ATL3: variants seen among roughly 807,000 people sequenced by gnomAD.
ATL3 encodes the protein atlastin GTPase 3.
Under a neutral mutation model 69.5 loss-of-function variants are expected in ATL3, and 49 were observed. That is an observed-to-expected ratio of 0.71 (90% confidence interval 0.56 to 0.89). The LOEUF is 0.89. Ranked by LOEUF, ATL3 falls within the 40% of genes least tolerant of loss-of-function variation. The pLI is 0.00. For missense variants in ATL3, 606 were observed against 645.7 expected, an observed-to-expected ratio of 0.94 and a Z score of 0.67; for synonymous variants, 214 against 224.1, an observed-to-expected ratio of 0.95 and a Z score of 0.40.
chr11:63,671,818 T>C, upstream of ATL3: 3 of 1,021,522 alleles, frequency 2.9e-6, no homozygotes, highest in South Asian at 3.6e-5. Context: ...CGGGTCCTCC[T>C]GCGAGCTGCG....
intron 10 of ATL3, among the ~76,000 whole-genome samples, chr11:63,633,484 C>A (rs1032526964): frequency 2.0e-5 from 3 of 151,920 alleles, no homozygotes; most frequent in African/African-American, 7.3e-5. Context: ...CAGCACACTA[C>A]AACCTTCGCC....
chr11:63,650,646 G>T (rs1002231192), intron 5 of ATL3: 1 of 152,142 alleles, frequency 6.6e-6, no homozygotes, highest in Non-Finnish European at 1.5e-5. Context: ...CTTATGGGTT[G>T]AATTGTGTCC....
chr11:63,631,063 CAA>C lies in ATL3; in HGVS notation c.1514_1515del (p.Phe505TrpfsTer15). 1 of 1,612,810 alleles carries C rather than the reference CAA, an allele frequency of 6.2e-7. No individual in the cohort carries two copies. The highest frequency in any genetic ancestry group is 8.5e-7 in the Non-Finnish European group (1 of 1,179,330). ...ACCTGCTCCAACACATATGCGGCAC[CAA>C]AATCAATAGCTCCGCCCAGCTCACG... is the stretch of plus-strand genomic sequence containing the variant. ...QYRELGGAID[F>X]GAAYVLEQAS... On this transcript the variant is annotated frameshift_variant, in exon 12 of 13. Transcript: ENST00000398868. LOFTEE classifies it high-confidence loss of function.
intron 1 of ATL3, among the ~76,000 whole-genome samples, chr11:63,661,656 G>A (rs999199297): frequency 1.3e-5 from 2 of 151,804 alleles, no homozygotes; most frequent in Admixed American, 6.6e-5. Context: ...TTGGGAGGCC[G>A]AGGCGGGCAG....
intron 7 of ATL3, 131 bp from the exon 8 acceptor site, chr11:63,643,626 C>T: frequency 2.6e-6 from 2 of 770,850 alleles, no homozygotes; most frequent in Non-Finnish European, 4.0e-6. Context: ...TGAGAAAACT[C>T]AGAACCCTAA....
intron 12 of ATL3, among the ~76,000 whole-genome samples, chr11:63,629,795 G>A (rs117062831): frequency 0.013 from 1,931 of 152,194 alleles, 25 homozygotes; most frequent in Non-Finnish European, 0.014. Flanking sequence ...AGGCTGAGGT[G>A]GGAGGATCAC....
intron 10 of ATL3, among the ~76,000 whole-genome samples, chr11:63,634,183 T>G (rs1290884003): frequency 8.1e-6 from 1 of 122,766 alleles, no homozygotes; most frequent in Non-Finnish European, 1.8e-5. Context: ...CCTGTTTCTA[T>G]TTAAAAAAAA....
rs1317326317 is a variant in ATL3 at position 63,631,118 on chromosome 11, C to G, written c.1461G>C (p.Trp487Cys). ...VGLLLIALLT[W>C]GYIRYSGQYR... ...ATTGACCAGAATACCTGATGTAGCC[C>G]CAGGTGAGGAGTGCTATTAACAGTA... Residue 487 changes from tryptophan (W) to cysteine (C), a missense_variant, in exon 12 of 13, where the codon TGG (tryptophan) becomes TGC (cysteine). Coordinates refer to ENST00000398868, the MANE Select transcript of ATL3 (RefSeq NM_015459.5). 1 of 1,614,152 alleles carries G rather than the reference C, an allele frequency of 6.2e-7. No homozygotes were observed.
At position 63,628,985 on chromosome 11, in the gene ATL3, G is replaced by C; in HGVS notation, c.*334C>G. ...AAAACCATGGAATCAATCTTAAAAG[G>C]CACTAAGTGGCACATAAAGAACTTA... On this transcript the variant is annotated 3_prime_UTR_variant, in exon 13 of 13. Transcript: ENST00000398868. 3.8e-6 allele frequency: 1 copy of C among 263,018 alleles called. No homozygotes were observed. The highest frequency in any genetic ancestry group is 8.3e-5 in the South Asian group (1 of 12,082). 16.3% of individuals were successfully genotyped at this position (263,018 alleles called of 1,614,324 possible).
chr11:63,656,661 G>A (rs1194264719), intron 3 of ATL3, among the ~76,000 whole-genome samples: 1 of 151,026 alleles, frequency 6.6e-6, no homozygotes, highest in Admixed American at 6.6e-5. Context: ...TTGAACCCGG[G>A]AGGCAGAGGT....
intron 8 of ATL3, among the ~76,000 whole-genome samples, chr11:63,638,967 T>G (rs1286962314): frequency 6.6e-6 from 1 of 152,236 alleles, no homozygotes; most frequent in Non-Finnish European, 1.5e-5. Flanking sequence ...AATTACACTT[T>G]AAGTTCCTTT....
At chr11:63,631,753 G>A (rs530437823) in intron 11 of ATL3, among the ~76,000 whole-genome samples, 2 of 152,132 alleles carry the variant, frequency 1.3e-5, no homozygotes, top group Admixed American at 6.5e-5. Context: ...AGGCCAGGGC[G>A]GGCAGATCAC....
intron 6 of ATL3, among the ~76,000 whole-genome samples, chr11:63,645,149 A>C (rs1939828375): frequency 6.6e-6 from 1 of 152,070 alleles, no homozygotes; most frequent in South Asian, 2.1e-4. Flanking sequence ...GCTCATGCCT[A>C]TAATCCCTTT....
At chr11:63,661,615 C>A (rs1184372137) in intron 1 of ATL3, among the ~76,000 whole-genome samples, 1 of 152,110 alleles carries the variant, frequency 6.6e-6, no homozygotes, top group Non-Finnish European at 1.5e-5. Flanking sequence ...AGGGGCCGGG[C>A]GTGCTGGCTC....
chr11:63,631,477 A>G lies in ATL3; in HGVS notation c.1108-6T>C. 6.3e-7 allele frequency: 1 copy of G among 1,579,578 alleles called. No homozygotes were observed. Among genetic ancestry groups the G allele is most frequent in the Non-Finnish European group, 8.6e-7 (1 of 1,166,278 alleles). On this transcript the variant is annotated splice_region_variant and splice_polypyrimidine_tract_variant and intron_variant, in intron 11 of 12. Coordinates refer to ENST00000398868, the MANE Select transcript of ATL3 (RefSeq NM_015459.5). The stretch of plus-strand genomic sequence containing the variant: ...GGTTTCTCTCCCCCACAAACCTAAA[A>G]AGAACAAAGAAACAATATGTTAAAA...
chr11:63,635,524 C>T lies in ATL3; in HGVS notation c.1035+10G>A, dbSNP rs199945115. ...AAGGGTAGCGTTTAGGATGTCAAAT[C>T]ATTGTTTACCTGAAGCATGGACTTG... On this transcript the variant is annotated intron_variant, in intron 10 of 12. Transcript: ENST00000398868. The T allele has an allele frequency of 2.4e-4, 380 of 1,609,506 alleles. 7 individuals carry two copies. In the South Asian group the frequency reaches 4.0e-3, roughly 17 times the overall value.
At chr11:63,640,997 T>C (rs1208989336) in intron 8 of ATL3, among the ~76,000 whole-genome samples, 1 of 152,242 alleles carries the variant, frequency 6.6e-6, no homozygotes, top group Non-Finnish European at 1.5e-5. Context: ...TTCTGAATTC[T>C]GATGCTGCCA....
chr11:63,636,181 T>C (rs746370220), intron 9 of ATL3, 26 bp downstream of exon 9: 3 of 1,594,688 alleles, frequency 1.9e-6, no homozygotes, highest in African/African-American at 1.4e-5. Context: ...AAATCAAACA[T>C]TTTAATAACT....
chr11:63,671,578 C>T (rs1940786532), upstream of ATL3: 2 of 1,424,272 alleles, frequency 1.4e-6, no homozygotes, highest in Non-Finnish European at 9.2e-7. Context: ...CGGGAAAGCG[C>T]ACGCGGCAGA....
Sources: gnomAD v4.1 joint callset for allele counts (sites outside exome capture counted in the v4.1 genomes callset) on GRCh38, gnomAD v4.1.1 for gene constraint, MANE v1.5 for transcripts, NCBI Gene and HGNC (gene_info 2026-07-23, HGNC 2026-07-21) for gene names.